Variants in ADCY5 observed in about 807,000 individuals in gnomAD.
ADCY5 encodes the protein adenylate cyclase 5, also known as adenylate cyclase type 5.
ADCY5 carries 30 observed loss-of-function variants against 119.7 expected under a neutral mutation model. The observed-to-expected ratio is 0.25, with a 90% CI of 0.19 to 0.34. The LOEUF (loss-of-function observed/expected upper bound fraction) is 0.34. ADCY5 is among the 10% of genes least tolerant of loss of function. The pLI is 1.00. For synonymous variants in ADCY5, 753 were observed against 762.2 expected (o/e 0.99, Z 0.20); for missense variants, 1,324 against 1,775.2 (o/e 0.75, Z 4.57).
chr3:123,448,767 T>A lies in ADCY5; in HGVS notation c.-222A>T, dbSNP rs1945878009. 1 of 403,886 alleles carries A rather than the reference T, an allele frequency of 2.5e-6. No homozygotes were observed. The highest frequency in any genetic ancestry group is 4.3e-6 in the Non-Finnish European group (1 of 233,520). The allele number at this position is 403,886 out of a possible 1,614,324, so 25.0% of individuals were successfully genotyped here. ...AGTAGCTGAGGATCCGCGTCAGAAG[T>A]CCCAGGTCCGAAATGGAGTTGCCTC... On this transcript the variant is annotated 5_prime_UTR_variant, in exon 1 of 21. Coordinates refer to ENST00000462833, the MANE Select transcript of ADCY5 (RefSeq NM_183357.3).
At chr3:123,290,920 A>AT (rs1352679070) in intron 18 of ADCY5, among the ~76,000 whole-genome samples, 193 bp downstream of exon 18, 2 of 152,188 alleles carry the variant, frequency 1.3e-5, no homozygotes, top group Non-Finnish European at 2.9e-5. Context: ...CATGATGATG[A>AT]GAGAGGCCAT....
chr3:123,429,664 C>T (rs1945483346), intron 1 of ADCY5, among the ~76,000 whole-genome samples: 1 of 152,186 alleles, frequency 6.6e-6, no homozygotes, highest in South Asian at 2.1e-4. Context: ...CCTCTAAAAC[C>T]ACCTGATGGC....
chr3:123,327,810 A>G, intron 6 of ADCY5, 51 bp from the exon 7 acceptor site: 1 of 1,600,898 alleles, frequency 6.2e-7, no homozygotes, highest in Non-Finnish European at 8.5e-7. Context: ...TCAAAGTCAT[A>G]ATGTCAGCCC....
At chr3:123,337,713 A>G (rs1375749194) in intron 3 of ADCY5, among the ~76,000 whole-genome samples, 1 of 152,210 alleles carries the variant, frequency 6.6e-6, no homozygotes, top group African/African-American at 2.4e-5. Context: ...GTATGACCTC[A>G]TCTTTACTTG....
intron 11 of ADCY5, among the ~76,000 whole-genome samples, chr3:123,316,197 C>A (rs540864734): frequency 6.6e-6 from 1 of 152,224 alleles, no homozygotes; most frequent in Admixed American, 6.5e-5. Flanking sequence ...TAGACCCCCC[C>A]CAACCTAATC....
intron 19 of ADCY5, among the ~76,000 whole-genome samples, chr3:123,289,191 G>A (rs1460160444): frequency 6.6e-6 from 1 of 152,134 alleles, no homozygotes; most frequent in Non-Finnish European, 1.5e-5. Context: ...CATGTTTGAT[G>A]TTGTTCTACA....
chr3:123,300,094 G>A, intron 15 of ADCY5, 26 bp downstream of exon 15: 4 of 1,611,164 alleles, frequency 2.5e-6, no homozygotes, highest in Middle Eastern at 1.7e-4. Flanking sequence ...ATGCCCAGTG[G>A]GGAGCGTGAG....
chr3:123,350,162 C>T (rs529644168), intron 2 of ADCY5, among the ~76,000 whole-genome samples: 1 of 152,328 alleles, frequency 6.6e-6, no homozygotes, highest in South Asian at 2.1e-4. Context: ...TTCAGGGTCT[C>T]CCTTTTCCCA....
At chr3:123,367,393 T>C (rs1943482781) in intron 1 of ADCY5, among the ~76,000 whole-genome samples, 1 of 152,232 alleles carries the variant, frequency 6.6e-6, no homozygotes, top group Non-Finnish European at 1.5e-5. Context: ...TTCTCTGACC[T>C]CTGGGATAAG....
chr3:123,445,871 A>G (rs540088160), intron 1 of ADCY5, among the ~76,000 whole-genome samples: 2 of 152,318 alleles, frequency 1.3e-5, no homozygotes, highest in African/African-American at 4.8e-5. Flanking sequence ...GCATCCATGG[A>G]GGTTACACTG....
At chr3:123,398,426 C>T (rs1944664254) in intron 1 of ADCY5, among the ~76,000 whole-genome samples, 2 of 152,066 alleles carry the variant, frequency 1.3e-5, no homozygotes, top group African/African-American at 2.4e-5. Flanking sequence ...GGTTCTCTGC[C>T]GTTTTGCAAG....
chr3:123,369,932 G>A (rs1943575555), intron 1 of ADCY5, among the ~76,000 whole-genome samples: 1 of 152,206 alleles, frequency 6.6e-6, no homozygotes, highest in African/African-American at 2.4e-5. Context: ...TCTCCTGGCT[G>A]TGCTGCTAAC....
At chr3:123,359,331 A>AATATATATATATATATATCTATAT (rs1943155468) in intron 1 of ADCY5, among the ~76,000 whole-genome samples, 1 of 109,766 alleles carries the variant, frequency 9.1e-6, no homozygotes, top group Admixed American at 1.0e-4. Flanking sequence ...CTTATACTAA[A>AATATATATATATATATATCTATAT]ATATATATAT....
At chr3:123,402,703 A>T (rs1244748584) in intron 1 of ADCY5, among the ~76,000 whole-genome samples, 1 of 152,066 alleles carries the variant, frequency 6.6e-6, no homozygotes, top group African/African-American at 2.4e-5. Context: ...ACAAAAAAAA[A>T]TTAGTCAGGC....
chr3:123,313,656 A>G (rs1047171794), intron 12 of ADCY5, among the ~76,000 whole-genome samples: 5 of 152,230 alleles, frequency 3.3e-5, no homozygotes, highest in Non-Finnish European at 7.3e-5. Flanking sequence ...GACAGGGGAC[A>G]CAGCACACCT....
chr3:123,412,505 G>GT, intron 1 of ADCY5, among the ~76,000 whole-genome samples: 1 of 152,298 alleles, frequency 6.6e-6, no homozygotes, highest in South Asian at 2.1e-4. Flanking sequence ...GATTTCAAGC[G>GT]TATGAAGACA....
At chr3:123,325,564 G>A in intron 7 of ADCY5, 102 bp from the exon 8 acceptor site, 1 of 1,470,666 alleles carries the variant, frequency 6.8e-7, no homozygotes, top group Non-Finnish European at 9.4e-7. Flanking sequence ...GGCTAAGGCA[G>A]CTGCCCTTTC....
In ADCY5 at chr3:123,286,265, A is replaced by T. The variant is rs1938751964; in HGVS notation, c.3657+420T>A. Among the ~76,000 whole-genome samples, 1 of 152,144 alleles carries T rather than the reference A, an allele frequency of 6.6e-6. No individual in the cohort carries two copies. The highest frequency in any genetic ancestry group is 1.5e-5 in the Non-Finnish European group (1 of 68,020). ...CTGGGGGAGGTACCATCCCAGGGCC[A>T]GCAGCCCCCACTGGCTCTCCTGAGC... On this transcript the variant is annotated intron_variant, in intron 20 of 20. Transcript: ENST00000462833. This position sits in a 1 kb window ranked among gnomAD's most constrained non-coding sequence, Gnocchi z 4.2.
rs530401418 is a variant in ADCY5, at chr3:123,436,349, C to T, written c.1134+11063G>A. Among the ~76,000 whole-genome samples, 10 of 151,374 alleles carry T rather than the reference C, an allele frequency of 6.6e-5. 3 individuals carry two copies. The highest frequency in any genetic ancestry group is 1.9e-4 in the African/African-American group (8 of 41,238). ...GATCATACCACTGTACTCTAGCCTG[C>T]GCAACAGAGTAAGACCTTGTCTCAA... On this transcript the variant is annotated intron_variant, in intron 1 of 20. Transcript: ENST00000462833.
Sources: gnomAD v4.1 joint callset for allele counts (sites outside exome capture counted in the v4.1 genomes callset) on GRCh38, gnomAD v4.1.1 for gene constraint, Gnocchi (gnomAD v3.1) non-coding constraint, MANE v1.5 for transcripts, NCBI Gene and HGNC (gene_info 2026-07-23, HGNC 2026-07-21) for gene names.